Variants in PDE4D observed in about 807,000 individuals in gnomAD.
PDE4D encodes the protein 3',5'-cyclic-AMP phosphodiesterase 4D.
In PDE4D, 24 loss-of-function variants were observed where a neutral mutation model predicts 87.4. The ratio of observed to expected loss-of-function variants is 0.27; its 90% CI spans 0.20 to 0.39. PDE4D has a LOEUF of 0.39. Ranked by LOEUF, PDE4D falls within the 10% of genes least tolerant of loss-of-function variation. The probability of loss-of-function intolerance (pLI) is 1.00; values close to 1 mark genes in which losing one functional copy is unlikely to be tolerated. For missense variants in PDE4D, 714 were observed against 1,041.0 expected (o/e 0.69, Z 4.32); for synonymous variants, 384 against 383.2 (o/e 1.00, Z -0.02).
At chr5:59,609,214 C>T (rs1828645187) in intron 1 of PDE4D, among the ~76,000 whole-genome samples, 1 of 152,042 alleles carries the variant, frequency 6.6e-6, no homozygotes, top group Non-Finnish European at 1.5e-5. Context: ...AGAAGGTGTA[C>T]TCATCATTGG....
intron 2 of PDE4D, among the ~76,000 whole-genome samples, chr5:59,992,108 C>T (rs577000984): frequency 2.6e-5 from 4 of 152,144 alleles, no homozygotes; most frequent in Non-Finnish European, 4.4e-5. Context: ...TTCCTGCTCT[C>T]GATCATCAGA....
chr5:59,124,446 G>A (rs1775067970), intron 5 of PDE4D, among the ~76,000 whole-genome samples: 1 of 152,194 alleles, frequency 6.6e-6, no homozygotes, highest in Non-Finnish European at 1.5e-5. Context: ...CTGACTCTAA[G>A]CTGCTTTCAC....
At chr5:59,099,813 G>C (rs988936586) in intron 5 of PDE4D, among the ~76,000 whole-genome samples, 2 of 151,858 alleles carry the variant, frequency 1.3e-5, no homozygotes, top group African/African-American at 4.8e-5. Flanking sequence ...TCTCTTCTTC[G>C]ATTATGGCCA....
At chr5:60,415,012 G>A (rs1742363631) in intron 1 of PDE4D, among the ~76,000 whole-genome samples, 1 of 152,256 alleles carries the variant, frequency 6.6e-6, no homozygotes, top group South Asian at 2.1e-4. Context: ...CTAGATGCCA[G>A]TACCTTGTCA....
intron 6 of PDE4D, among the ~76,000 whole-genome samples, chr5:59,032,938 T>A (rs1231034404): frequency 1.3e-5 from 2 of 152,174 alleles, no homozygotes; most frequent in Non-Finnish European, 2.9e-5. Context: ...GAGCTGGAAT[T>A]TGAAACCAAG....
intron 1 of PDE4D, among the ~76,000 whole-genome samples, chr5:59,229,924 G>A (rs958824806): frequency 6.6e-6 from 1 of 151,996 alleles, no homozygotes; most frequent in African/African-American, 2.4e-5. Context: ...TCAGGCCCCC[G>A]AGTAGCTGGG....
At chr5:59,415,013 A>G (rs1793358908) in intron 1 of PDE4D, among the ~76,000 whole-genome samples, 1 of 152,228 alleles carries the variant, frequency 6.6e-6, no homozygotes, top group African/African-American at 2.4e-5. Flanking sequence ...AGCAGCATCC[A>G]GAGGGCATAA....
At chr5:59,456,871 T>C (rs888143870) in intron 1 of PDE4D, among the ~76,000 whole-genome samples, 2 of 152,172 alleles carry the variant, frequency 1.3e-5, no homozygotes, top group Non-Finnish European at 1.5e-5. Flanking sequence ...GCATTGGAAG[T>C]GGAGCCTGAA....
At chr5:59,794,761 A>C (rs1199989786) in intron 1 of PDE4D, among the ~76,000 whole-genome samples, 19 of 152,224 alleles carry the variant, frequency 1.2e-4, no homozygotes, top group Admixed American at 1.2e-3. Context: ...CAGTGAATTA[A>C]TGATGAATTG....
At chr5:59,941,232 G>A (rs1757146142) in intron 3 of PDE4D, among the ~76,000 whole-genome samples, 1 of 152,092 alleles carries the variant, frequency 6.6e-6, no homozygotes, top group African/African-American at 2.4e-5. Context: ...GCCGGCATGA[G>A]AGTGATGTTC....
intron 5 of PDE4D, among the ~76,000 whole-genome samples, chr5:59,117,655 G>T (rs1158433155): frequency 6.6e-6 from 1 of 152,140 alleles, no homozygotes; most frequent in Admixed American, 6.5e-5. Context: ...CAGAATCGCT[G>T]TTGCAGGAAT....
chr5:59,736,121 A>G (rs1257298893), intron 1 of PDE4D, among the ~76,000 whole-genome samples: 1 of 151,838 alleles, frequency 6.6e-6, no homozygotes, highest in African/African-American at 2.4e-5. Flanking sequence ...TTAAAGTATA[A>G]TAATAATAAA....
intron 1 of PDE4D, among the ~76,000 whole-genome samples, chr5:60,196,064 C>A (rs907319445): frequency 6.6e-6 from 1 of 151,584 alleles, no homozygotes; most frequent in Non-Finnish European, 1.5e-5. Flanking sequence ...ATAGAGAACA[C>A]AAGCCACTTT....
At chr5:60,469,247 C>A (rs2150188573) in intron 1 of PDE4D, among the ~76,000 whole-genome samples, 1 of 152,238 alleles carries the variant, frequency 6.6e-6, no homozygotes, top group Non-Finnish European at 1.5e-5. Context: ...ATGGCCAAGT[C>A]CTTCTTAAGC....
chr5:59,956,944 G>A (rs1758897921), intron 3 of PDE4D, among the ~76,000 whole-genome samples: 1 of 152,094 alleles, frequency 6.6e-6, no homozygotes, highest in Non-Finnish European at 1.5e-5. Flanking sequence ...TTCTTATTCT[G>A]AAAAACAAGG....
intron 11 of PDE4D, among the ~76,000 whole-genome samples, chr5:58,981,776 A>G (rs1745225678): frequency 6.6e-6 from 1 of 152,068 alleles, no homozygotes; most frequent in Non-Finnish European, 1.5e-5. Context: ...CGTGAAGGGT[A>G]TGGGTTATTA....
At chr5:59,479,628 G>A (rs113532677) in intron 1 of PDE4D, among the ~76,000 whole-genome samples, 105,537 of 151,792 alleles carry the variant, frequency 0.7, 38,144 homozygotes, top group African/African-American at 0.88. Flanking sequence ...ATCATCACAT[G>A]TATCAGAGAT....
chr5:59,532,845 G>T (rs1814485621), intron 1 of PDE4D, among the ~76,000 whole-genome samples: 1 of 152,132 alleles, frequency 6.6e-6, no homozygotes, highest in Non-Finnish European at 1.5e-5. Flanking sequence ...AGTGTAGCAT[G>T]ATTGGACCAT....
At chr5:59,712,715 A>G (rs1052841470) in intron 1 of PDE4D, among the ~76,000 whole-genome samples, 2 of 151,944 alleles carry the variant, frequency 1.3e-5, no homozygotes, top group Admixed American at 1.3e-4. Flanking sequence ...GCAAAACACC[A>G]AACACAAAAT....
Sources: gnomAD v4.1 joint callset for allele counts (sites outside exome capture counted in the v4.1 genomes callset) on GRCh38, gnomAD v4.1.1 for gene constraint, MANE v1.5 for transcripts, NCBI Gene and HGNC (gene_info 2026-07-23, HGNC 2026-07-21) for gene names.